ANGEL1: variants seen among roughly 807,000 people sequenced by gnomAD.
ANGEL1 encodes the protein angel homolog 1.
Under a neutral mutation model 76.4 loss-of-function variants are expected in ANGEL1, and 62 were observed. That is an observed-to-expected ratio of 0.81 (90% CI 0.66 to 1.00). The LOEUF is 1.00. ANGEL1 is among the 50% of genes least tolerant of loss of function. The pLI, the probability that ANGEL1 is intolerant of heterozygous loss-of-function variation, is 0.00. For missense variants in ANGEL1, 737 were observed against 836.7 expected, an observed-to-expected ratio of 0.88 and a Z score of 1.47; for synonymous variants, 340 against 331.7, an observed-to-expected ratio of 1.03 and a Z score of -0.27.
At chr14:76,808,822 T>C (rs1374382624) in intron 2 of ANGEL1, among the ~76,000 whole-genome samples, 2 of 152,214 alleles carry the variant, frequency 1.3e-5, no homozygotes, top group African/African-American at 4.8e-5. Flanking sequence ...CCTACCTGGC[T>C]TTATGACTTT....
chr14:76,790,212 C>G (rs1267076089), intron 9 of ANGEL1, among the ~76,000 whole-genome samples: 2 of 152,128 alleles, frequency 1.3e-5, no homozygotes, highest in East Asian at 3.9e-4. Context: ...ACATTCTTTA[C>G]ACAATACAGG....
In ANGEL1 at chr14:76,787,494, A is replaced by T. The variant is rs1894286939; in HGVS notation, c.*1734T>A. The T allele has an allele frequency of 1.3e-5, 2 of 152,724 alleles. No individual in the cohort carries two copies. The highest frequency in any genetic ancestry group is 4.8e-5 in the African/African-American group (2 of 41,474). The allele number at this position is 152,724 out of a possible 1,614,324, so 9.5% of individuals were successfully genotyped here. ...GGCAGTGTCCAGGGAACAGACAGAC[A>T]GAATGAATGGTGGGGTGTAGACAGA... On this transcript the variant is annotated 3_prime_UTR_variant, in exon 10 of 10. Transcript: ENST00000251089.
chr14:76,790,133 AT>A (rs1284818399), intron 9 of ANGEL1, among the ~76,000 whole-genome samples: 2 of 152,106 alleles, frequency 1.3e-5, no homozygotes, highest in Non-Finnish European at 2.9e-5. Context: ...GAGTGCTGGG[AT>A]TACCGGTGTG....
At chr14:76,806,360 G>T (rs956999153) in intron 5 of ANGEL1, 56 bp downstream of exon 5, 4 of 1,542,172 alleles carry the variant, frequency 2.6e-6, no homozygotes, top group South Asian at 1.2e-5. Flanking sequence ...TGATGCTAAC[G>T]CCTGAATCTC....
chr14:76,798,337 G>A (rs1311324643), intron 7 of ANGEL1, among the ~76,000 whole-genome samples: 1 of 151,998 alleles, frequency 6.6e-6, no homozygotes, highest in African/African-American at 2.4e-5. Flanking sequence ...ATGTTGCTCA[G>A]GCTGGTCTCA....
intron 7 of ANGEL1, among the ~76,000 whole-genome samples, chr14:76,794,058 A>C (rs1894500589): frequency 6.6e-6 from 1 of 152,180 alleles, no homozygotes; most frequent in Admixed American, 6.5e-5. Flanking sequence ...ATAAGGACAG[A>C]TACAGACAGG....
Position 76,788,946 on chromosome 14 carries a change from G to A in ANGEL1, c.*282C>T, listed in dbSNP as rs7150644. ...TGGTAATTAAAAATCAAGGGGGAGCGCTGGATACATGGAAGGAAGGGGGAG... is the reference window on the plus strand; with the variant it reads ...TGGTAATTAAAAATCAAGGGGGAGCACTGGATACATGGAAGGAAGGGGGAG... On this transcript the variant is annotated 3_prime_UTR_variant, in exon 10 of 10. Coordinates refer to ENST00000251089, the MANE Select transcript of ANGEL1 (RefSeq NM_015305.4). The A allele has an allele frequency of 2.1e-5, 8 of 378,732 alleles. No homozygotes were observed. Among genetic ancestry groups the A allele is most frequent in the Admixed American group, 8.2e-5 (2 of 24,304 alleles). The allele number at this position is 378,732 out of a possible 1,614,324, so 23.5% of individuals were successfully genotyped here.
intron 7 of ANGEL1, among the ~76,000 whole-genome samples, chr14:76,797,283 A>G (rs1393628861): frequency 6.6e-6 from 1 of 152,212 alleles, no homozygotes; most frequent in Non-Finnish European, 1.5e-5. Flanking sequence ...AAACAAGCTA[A>G]AAAGAACTTT....
rs1393393961 is a variant in ANGEL1, at chr14:76,788,971, G to GC, written c.*256dup. ...GCTGGATACATGGAAGGAAGGGGGA[G>GC]CCCCCCTTCTGCCTCTCCCAGGGCC... is the stretch of plus-strand genomic sequence containing the variant. On this transcript the variant is annotated 3_prime_UTR_variant, in exon 10 of 10. Transcript: ENST00000251089. The GC allele has an allele frequency of 6.9e-6, 3 of 435,266 alleles. No individual in the cohort carries two copies. The highest frequency in any genetic ancestry group is 8.2e-6 in the Non-Finnish European group (2 of 244,168). 27.0% of individuals were successfully genotyped at this position (435,266 alleles called of 1,614,324 possible). A position where few individuals can be genotyped will look rare whatever the true frequency, so the allele number is the denominator to read the frequency against.
At position 76,790,767 on chromosome 14, in the gene ANGEL1, C is replaced by T; in HGVS notation, c.1696G>A (p.Gly566Ser). 1.3e-6 allele frequency: 2 copies of T among 1,594,600 alleles called. No homozygotes were observed. Among genetic ancestry groups the T allele is most frequent in the Non-Finnish European group, 1.7e-6 (2 of 1,170,938 alleles). The change falls in exon 9 of 10, where the codon GGT becomes AGT. Residue 566 changes from glycine to serine, a missense_variant. Physicochemically the swap from Gly to Ser is moderately conservative, Grantham distance 56. Coordinates refer to ENST00000251089, the MANE Select transcript of ANGEL1 (RefSeq NM_015305.4). ...AGGTGGAGGCAGTGCTGGATGGTAC[C>T]TACAGTCCTACAGGGATGAAGGGGG... is the stretch of plus-strand genomic sequence containing the variant. ...ELEPAFSRTV[G>S]TIQHCLHLTS...
chr14:76,810,086 G>A (rs1895038683), intron 1 of ANGEL1: 1 of 410,348 alleles, frequency 2.4e-6, no homozygotes, highest in Non-Finnish European at 4.9e-6. Flanking sequence ...TAATAAAACT[G>A]ACCTTGAACA....
At chr14:76,807,314 C>G in intron 4 of ANGEL1, 119 bp downstream of exon 4, 1 of 959,504 alleles carries the variant, frequency 1.0e-6, no homozygotes, top group Non-Finnish European at 1.6e-6. Flanking sequence ...ATGGAAGGAG[C>G]TAGCTCACAG....
intron 5 of ANGEL1, among the ~76,000 whole-genome samples, chr14:76,806,036 A>C (rs185524911): frequency 1.3e-5 from 2 of 152,366 alleles, no homozygotes; most frequent in East Asian, 3.9e-4. Context: ...CTGTAAATGC[A>C]AAGAAAACAA....
At chr14:76,812,531 T>G (rs903416238) in intron 1 of ANGEL1, 3 of 1,245,466 alleles carry the variant, frequency 2.4e-6, no homozygotes, top group Non-Finnish European at 3.0e-6. Context: ...GGACGCCATC[T>G]GACAACAGGC....
intron 1 of ANGEL1, 159 bp downstream of exon 1, chr14:76,812,605 C>A: frequency 7.7e-7 from 1 of 1,301,150 alleles, no homozygotes; most frequent in Non-Finnish European, 9.8e-7. Flanking sequence ...CAGGAGGGGC[C>A]CGCGGGGCAG....
chr14:76,809,772 C>A, intron 1 of ANGEL1, 129 bp from the exon 2 acceptor site: 1 of 727,030 alleles, frequency 1.4e-6, no homozygotes, highest in Non-Finnish European at 2.3e-6. Context: ...CATCACTGAG[C>A]CTGCCTACCT....
At chr14:76,804,107 C>A (rs1292593724) in intron 5 of ANGEL1, 195 bp from the exon 6 acceptor site, 2 of 1,453,504 alleles carry the variant, frequency 1.4e-6, no homozygotes, top group Non-Finnish European at 1.8e-6. Context: ...TCACTGGCAA[C>A]ACTGAAATGT....
In ANGEL1 at chr14:76,788,179, G is replaced by A. The variant is rs1894300827; in HGVS notation, c.*1049C>T. On this transcript the variant is annotated 3_prime_UTR_variant, in exon 10 of 10. Transcript: ENST00000251089. ...CAGAAAATTGCTTCTTAGGAGTGGA[G>A]AGGAAAGAGAATCAGCTTAGGTCTT... The A allele has an allele frequency of 1.3e-5, 2 of 152,246 alleles. No individual in the cohort carries two copies. Among genetic ancestry groups the A allele is most frequent in the South Asian group, 2.1e-4 (1 of 4,836 alleles). 9.4% of individuals were successfully genotyped at this position (152,246 alleles called of 1,614,324 possible).
chr14:76,791,368 T>C lies in ANGEL1; in HGVS notation c.1619-2A>G, dbSNP rs1894400956. 4 of 1,613,872 alleles carry C rather than the reference T, an allele frequency of 2.5e-6. No individual in the cohort carries two copies. In the African/African-American group the frequency reaches 5.3e-5, roughly 22 times the overall value. On this transcript the variant is annotated splice_acceptor_variant, in intron 7 of 9. Transcript: ENST00000251089. LOFTEE classifies it high-confidence loss of function. Reference sequence around the variant, plus strand: ...ACTCAGCCCAACCCGCAGGTCGCTCTGCAGAGGACCAGAGAGAAAAACATT... The same window carrying C: ...ACTCAGCCCAACCCGCAGGTCGCTCCGCAGAGGACCAGAGAGAAAAACATT...
Sources: allele counts gnomAD v4.1 joint callset (sites outside exome capture counted in the v4.1 genomes callset), GRCh38; gene constraint gnomAD v4.1.1; transcripts MANE v1.5; gene names NCBI Gene and HGNC (gene_info 2026-07-23, HGNC 2026-07-21).